Variants in CHRM3 observed in about 807,000 individuals in gnomAD.
The protein encoded by CHRM3 is muscarinic acetylcholine receptor M3.
In CHRM3, 11 loss-of-function variants were observed where a neutral mutation model predicts 41.8. That is an observed-to-expected ratio of 0.26 (90% confidence interval 0.17 to 0.44). The LOEUF (loss-of-function observed/expected upper bound fraction) is 0.44, where lower values mean the gene tolerates loss of function less well. Ranked by LOEUF, CHRM3 falls within the 20% of genes least tolerant of loss-of-function variation. The probability of loss-of-function intolerance (pLI) is 1.00; values close to 1 mark genes in which losing one functional copy is unlikely to be tolerated. For synonymous variants in CHRM3, 297 were observed against 301.4 expected, an observed-to-expected ratio of 0.99 and a Z score of 0.15; for missense variants, 571 against 745.4, an observed-to-expected ratio of 0.77 and a Z score of 2.72.
At chr1:239,782,314 G>T (rs1020523455) in intron 5 of CHRM3, among the ~76,000 whole-genome samples, 2 of 151,972 alleles carry the variant, frequency 1.3e-5, no homozygotes, top group Non-Finnish European at 2.9e-5. Context: ...TTGATCAACT[G>T]TTGCTTCTTG....
chr1:239,737,673 G>A (rs1664501524), intron 5 of CHRM3, among the ~76,000 whole-genome samples: 1 of 152,244 alleles, frequency 6.6e-6, no homozygotes, highest in Non-Finnish European at 1.5e-5. Context: ...GTAGAGCAAT[G>A]TTTTCCAGAG....
chr1:239,529,891 A>T (rs977925929), intron 2 of CHRM3, among the ~76,000 whole-genome samples: 1 of 151,312 alleles, frequency 6.6e-6, no homozygotes, highest in Non-Finnish European at 1.5e-5. Context: ...TCCACAATTT[A>T]TTATTATTAT....
At chr1:239,770,923 A>G (rs1466540550) in intron 5 of CHRM3, among the ~76,000 whole-genome samples, 3 of 152,040 alleles carry the variant, frequency 2.0e-5, no homozygotes, top group African/African-American at 2.4e-5. Context: ...CCCTGTTTCT[A>G]CTAAAAATAC....
intron 6 of CHRM3, among the ~76,000 whole-genome samples, chr1:239,840,072 G>A (rs991298034): frequency 1.3e-5 from 2 of 152,098 alleles, no homozygotes; most frequent in African/African-American, 4.8e-5. Flanking sequence ...TAACAAACAT[G>A]GAACTGACAT....
rs191146876 is a variant in CHRM3, at chr1:239,419,086, C to T, written c.-521+31859C>T. On this transcript the variant is annotated intron_variant, in intron 1 of 6. Transcript: ENST00000676153. Reference sequence around the variant, plus strand: ...GTAAGGAAAGGGACAGATCCCAGTTCGTCTGAAACATAGGGTTAAAGTAGG... The same window carrying T: ...GTAAGGAAAGGGACAGATCCCAGTTTGTCTGAAACATAGGGTTAAAGTAGG... Among the ~76,000 whole-genome samples, 20 of 152,188 alleles carry T rather than the reference C, an allele frequency of 1.3e-4. No individual in the cohort carries two copies. In the East Asian group the frequency reaches 3.7e-3, roughly 28 times the overall value.
intron 5 of CHRM3, among the ~76,000 whole-genome samples, chr1:239,769,618 G>A (rs746878199): frequency 2.3e-4 from 35 of 151,930 alleles, no homozygotes; most frequent in Non-Finnish European, 3.5e-4. Context: ...TATTTGTGTG[G>A]CGCCTGTAAG....
intron 2 of CHRM3, among the ~76,000 whole-genome samples, chr1:239,500,125 A>C (rs1668130368): frequency 6.6e-6 from 1 of 152,162 alleles, no homozygotes; most frequent in African/African-American, 2.4e-5. Context: ...AGTTTTTAGC[A>C]TGAAGGGTTG....
chr1:239,867,310 G>T (rs146225546), intron 6 of CHRM3, among the ~76,000 whole-genome samples: 1 of 152,350 alleles, frequency 6.6e-6, no homozygotes, highest in African/African-American at 2.4e-5. Context: ...ATATGATATT[G>T]TTCTGCTTAT....
In CHRM3 at chr1:239,504,367, C is replaced by T. The variant is rs537520765; in HGVS notation, c.-422+11560C>T. On this transcript the variant is annotated intron_variant, in intron 2 of 6. Transcript: ENST00000676153. ...TGAAAATCAAAACCACAATATGATACCACCTTACTCCTGCAAGAATGGCCA... is the reference window on the plus strand; with the variant it reads ...TGAAAATCAAAACCACAATATGATATCACCTTACTCCTGCAAGAATGGCCA... Among the ~76,000 whole-genome samples, 17 of 152,208 alleles carry T rather than the reference C, an allele frequency of 1.1e-4. No individual in the cohort carries two copies. The South Asian group carries it at 3.3e-3, about 30-fold the overall frequency.
intron 3 of CHRM3, among the ~76,000 whole-genome samples, chr1:239,602,133 T>TACAC (rs1335733528): frequency 2.0e-5 from 3 of 147,338 alleles, no homozygotes; most frequent in Non-Finnish European, 4.5e-5. Context: ...TATATATATA[T>TACAC]ATATATAATT....
At chr1:239,643,437 A>G (rs4540647) in intron 4 of CHRM3, among the ~76,000 whole-genome samples, 100,416 of 152,044 alleles carry the variant, frequency 0.66, 33,531 homozygotes, top group East Asian at 0.84. Context: ...CGAGCTTCCC[A>G]GCTGCTTTGT....
chr1:239,724,349 T>A (rs899738444), intron 5 of CHRM3, among the ~76,000 whole-genome samples: 2 of 151,972 alleles, frequency 1.3e-5, no homozygotes, highest in African/African-American at 4.8e-5. Flanking sequence ...GATAATATCT[T>A]TGTAGTATTC....
chr1:239,531,064 A>G (rs1670368724), intron 2 of CHRM3, among the ~76,000 whole-genome samples: 1 of 152,170 alleles, frequency 6.6e-6, no homozygotes, highest in South Asian at 2.1e-4. Context: ...GACAGAGAAA[A>G]CAAGATAGAA....
At chr1:239,620,207 T>C (rs1431732229) in intron 3 of CHRM3, among the ~76,000 whole-genome samples, 2 of 152,186 alleles carry the variant, frequency 1.3e-5, no homozygotes, top group Admixed American at 1.3e-4. Flanking sequence ...TTACTCAATA[T>C]GACAGAGTCT....
At chr1:239,473,204 G>A (rs1029421599) in intron 1 of CHRM3, among the ~76,000 whole-genome samples, 2 of 104,832 alleles carry the variant, frequency 1.9e-5, no homozygotes, top group Admixed American at 1.1e-4. Context: ...GGGAAAGGAA[G>A]AAATACACCA....
At chr1:239,538,101 A>C in intron 2 of CHRM3, among the ~76,000 whole-genome samples, 1 of 152,210 alleles carries the variant, frequency 6.6e-6, no homozygotes, top group East Asian at 1.9e-4. Flanking sequence ...GAAGAGGGGA[A>C]GTAGCAGAAG....
Position 239,641,956 on chromosome 1 carries a change from G to A in CHRM3, c.-250+9670G>A, listed in dbSNP as rs1440272454. Among the ~76,000 whole-genome samples the A allele has an allele frequency of 1.6e-5, 2 of 126,974 alleles. 1 individual carries two copies. Among genetic ancestry groups the A allele is most frequent in the Admixed American group, 1.6e-4 (2 of 12,408 alleles). The allele number at this position is 126,974 out of a possible 152,430, so 83.3% of individuals were successfully genotyped here. On this transcript the variant is annotated intron_variant, in intron 4 of 6. Transcript: ENST00000676153. ...TCCTTCAGGAGCTCTTTTAGGGCAG[G>A]CCTGGTGGTGACAAAATCTCTCAGC...
chr1:239,494,586 G>T (rs2148085848), intron 2 of CHRM3, among the ~76,000 whole-genome samples: 1 of 152,122 alleles, frequency 6.6e-6, no homozygotes, highest in African/African-American at 2.4e-5. Flanking sequence ...TGCAAGATGT[G>T]CAGGTCTATT....
At chr1:239,735,871 G>T (rs1664351683) in intron 5 of CHRM3, among the ~76,000 whole-genome samples, 1 of 152,062 alleles carries the variant, frequency 6.6e-6, no homozygotes. Flanking sequence ...ATACAGGAGG[G>T]TTTCCTTGGG....
Sources: allele counts gnomAD v4.1 joint callset (sites outside exome capture counted in the v4.1 genomes callset), GRCh38; gene constraint gnomAD v4.1.1; transcripts MANE v1.5; gene names NCBI Gene and HGNC (gene_info 2026-07-23, HGNC 2026-07-21).